The following TMEM229B variants were observed in gnomAD, a reference collection of about 807,000 sequenced individuals.
TMEM229B encodes chromosome 14 open reading frame 83.
TMEM229B carries 6 observed loss-of-function variants against 13.7 expected under a neutral mutation model. That is an observed-to-expected ratio of 0.44 (90% CI 0.24 to 0.86). The LOEUF is 0.86. TMEM229B is among the 40% of genes least tolerant of loss of function. The pLI, the probability that TMEM229B is intolerant of heterozygous loss-of-function variation, is 0.23. For missense variants in TMEM229B, 170 were observed against 236.0 expected (o/e 0.72, Z 1.83); for synonymous variants, 107 against 102.1 (o/e 1.05, Z -0.29).
chr14:67,472,095 A>G lies in TMEM229B; in HGVS notation c.*1325T>C, dbSNP rs929790732. On this transcript the variant is annotated 3_prime_UTR_variant, in exon 3 of 3. Transcript: ENST00000554480. ...AGTGTGGCAGGGTTAATACTGTTTA[A>G]GGAGTGAGCTCAAAGGGTCAGCCTT... The G allele has an allele frequency of 1.3e-5, 2 of 152,300 alleles. No homozygotes were observed. Among genetic ancestry groups the G allele is most frequent in the African/African-American group, 4.8e-5 (2 of 41,460 alleles). 9.4% of individuals were successfully genotyped at this position (152,300 alleles called of 1,614,324 possible).
intron 1 of TMEM229B, among the ~76,000 whole-genome samples, chr14:67,497,631 CACAGGCG>C (rs1172888689): frequency 6.6e-6 from 1 of 152,162 alleles, no homozygotes; most frequent in Non-Finnish European, 1.5e-5. Context: ...CTAAAATAAA[CACAGGCG>C]GTTTTTGCAC....
At chr14:67,490,139 A>G (rs549099094), upstream of TMEM229B, among the ~76,000 whole-genome samples, 12 of 152,324 alleles carry the variant, frequency 7.9e-5, no homozygotes, top group East Asian at 2.1e-3. Flanking sequence ...GAAACATCCA[A>G]TGTTACTAAT....
chr14:67,530,697 T>A (rs1165439576), intron 1 of TMEM229B, among the ~76,000 whole-genome samples: 1 of 152,124 alleles, frequency 6.6e-6, no homozygotes, highest in Non-Finnish European at 1.5e-5. Context: ...AATAAGCAGT[T>A]TTCAAAACAT....
intron 1 of TMEM229B, among the ~76,000 whole-genome samples, chr14:67,508,442 G>A (rs1328822499): frequency 3.3e-5 from 5 of 152,090 alleles, no homozygotes; most frequent in Non-Finnish European, 7.4e-5. Context: ...CACGCCCAGA[G>A]TCACTGAGCT....
upstream of TMEM229B, among the ~76,000 whole-genome samples, chr14:67,491,240 T>C (rs544932496): frequency 2.6e-5 from 4 of 152,184 alleles, no homozygotes; most frequent in South Asian, 2.1e-4. Flanking sequence ...ATGGATAGGG[T>C]GACGTATTGG....
At chr14:67,513,423 T>C (rs1862723552) in intron 1 of TMEM229B, among the ~76,000 whole-genome samples, 3 of 152,078 alleles carry the variant, frequency 2.0e-5, no homozygotes, top group African/African-American at 7.2e-5. Context: ...GGGGACTCAG[T>C]TTTCTCCTGC....
intron 1 of TMEM229B, among the ~76,000 whole-genome samples, chr14:67,514,338 A>G (rs2033127349): frequency 2.6e-5 from 4 of 152,296 alleles, no homozygotes; most frequent in Admixed American, 1.3e-4. Context: ...TACCTGGGAA[A>G]GAGGCCAATG....
intron 2 of TMEM229B, among the ~76,000 whole-genome samples, chr14:67,474,847 C>A (rs2031069778): frequency 6.6e-6 from 1 of 151,778 alleles, no homozygotes; most frequent in South Asian, 2.1e-4. Context: ...GCATAACTGG[C>A]TTAGCTTTCA....
chr14:67,520,058 G>C (rs578148304), upstream of TMEM229B, among the ~76,000 whole-genome samples: 1 of 152,246 alleles, frequency 6.6e-6, no homozygotes, highest in East Asian at 1.9e-4. Flanking sequence ...TAGGTTCACA[G>C]CAAAATTGAG....
intron 1 of TMEM229B, among the ~76,000 whole-genome samples, chr14:67,529,337 G>C (rs1253741471): frequency 2.0e-5 from 3 of 152,170 alleles, no homozygotes; most frequent in Admixed American, 2.0e-4. Context: ...GGGTGGAAGA[G>C]CCAGGATTCA....
chr14:67,523,259 G>A (rs2033316739), intron 1 of TMEM229B, among the ~76,000 whole-genome samples: 1 of 151,650 alleles, frequency 6.6e-6, no homozygotes, highest in South Asian at 2.1e-4. Flanking sequence ...AGGAGGCTGA[G>A]GTTGCAGTGA....
chr14:67,500,925 C>T (rs1386694934), intron 1 of TMEM229B, among the ~76,000 whole-genome samples: 4 of 151,874 alleles, frequency 2.6e-5, no homozygotes, highest in African/African-American at 7.2e-5. Flanking sequence ...AAGAATTAAT[C>T]GCAAATTGAC....
chr14:67,492,180 G>A (rs538303420), upstream of TMEM229B, among the ~76,000 whole-genome samples: 17 of 152,254 alleles, frequency 1.1e-4, no homozygotes, highest in African/African-American at 3.4e-4. Flanking sequence ...GCCTTGGAGG[G>A]TGGTCTCTGG....
intron 2 of TMEM229B, among the ~76,000 whole-genome samples, chr14:67,483,753 G>A (rs1401823565): frequency 1.3e-5 from 2 of 152,202 alleles, no homozygotes; most frequent in African/African-American, 2.4e-5. Context: ...GTGCTCCTGG[G>A]AGTCTCAGAT....
chr14:67,532,888 G>T (rs2033511520), intron 1 of TMEM229B, among the ~76,000 whole-genome samples: 1 of 151,170 alleles, frequency 6.6e-6, no homozygotes, highest in Non-Finnish European at 1.5e-5. Flanking sequence ...GCCCGCGAGG[G>T]TCCCCCGCTA....
intron 2 of TMEM229B, among the ~76,000 whole-genome samples, chr14:67,482,420 A>G (rs2031639563): frequency 6.6e-6 from 1 of 152,224 alleles, no homozygotes; most frequent in African/African-American, 2.4e-5. Flanking sequence ...ATTTTTGTCC[A>G]GAGAAGCATC....
In TMEM229B at chr14:67,473,740, G is replaced by A. The variant is rs1363883940; in HGVS notation, c.184C>T (p.Arg62Cys). 6.2e-7 allele frequency: 1 copy of A among 1,612,778 alleles called. No homozygotes were observed. Among genetic ancestry groups the A allele is most frequent in the Non-Finnish European group, 8.5e-7 (1 of 1,179,532 alleles). The change falls in exon 3 of 3, where the codon CGC becomes TGC. Residue 62 changes from arginine (R) to cysteine (C), a missense_variant. Around this residue, in one of 4 missense-constraint regions of TMEM229B, gnomAD observed 36 missense variants for 83.8 expected, o/e 0.43. Coordinates refer to ENST00000554480, the MANE Select transcript of TMEM229B (RefSeq NM_001348543.2). This position sits in a 1 kb window ranked among gnomAD's most constrained non-coding sequence, Gnocchi z 6.5. ...IYGTSILIVE[R>C]MYLRLRGRCP... ...CGGCCGCGCAGCCGCAGGTACATGC[G>A]CTCCACGATGAGGATGGAGGTGCCG...
In TMEM229B at chr14:67,473,366, C is replaced by T; in HGVS notation, c.*54G>A. On this transcript the variant is annotated 3_prime_UTR_variant, in exon 3 of 3. Transcript: ENST00000554480. This position sits in a 1 kb window ranked among gnomAD's most constrained non-coding sequence, Gnocchi z 6.5. ...GATGGGGCAACCTCACCAGCTTGGT[C>T]TCTTTGTCCATGAGTTCCATGAGAG... is the stretch of plus-strand genomic sequence containing the variant. The T allele has an allele frequency of 6.3e-7, 1 of 1,586,226 alleles. No homozygotes were observed. Among genetic ancestry groups the T allele is most frequent in the Non-Finnish European group, 8.6e-7 (1 of 1,166,580 alleles).
intron 1 of TMEM229B, among the ~76,000 whole-genome samples, chr14:67,508,366 T>C (rs908211942): frequency 8.6e-5 from 13 of 152,038 alleles, no homozygotes; most frequent in Non-Finnish European, 1.9e-4. Context: ...CATTATTACC[T>C]GAAGAGAGGT....
Sources: gnomAD v4.1 joint callset for allele counts (sites outside exome capture counted in the v4.1 genomes callset) on GRCh38, gnomAD v4.1.1 for gene constraint, gnomAD v4.1.1 regional missense constraint, Gnocchi (gnomAD v3.1) non-coding constraint, MANE v1.5 for transcripts, NCBI Gene and HGNC (gene_info 2026-07-23, HGNC 2026-07-21) for gene names.